BCL11B: variants seen among roughly 807,000 people sequenced by gnomAD.
The protein encoded by BCL11B is BCL11 transcription factor B, also known as B-cell lymphoma/leukemia 11B.
In BCL11B, 8 loss-of-function variants were observed where a neutral mutation model predicts 49.9. That is an observed-to-expected ratio of 0.16 (90% CI 0.09 to 0.29). BCL11B has a LOEUF of 0.29. Among genes scored for constraint, BCL11B ranks in the 10% least tolerant of loss-of-function variants. The pLI is 1.00. For synonymous variants in BCL11B, 739 were observed against 637.4 expected (o/e 1.16, Z -2.40); for missense variants, 1,006 against 1,351.0 (o/e 0.74, Z 4.00).
intron 2 of BCL11B, among the ~76,000 whole-genome samples, chr14:99,243,915 T>C (rs1242368459): frequency 3.2e-5 from 3 of 94,442 alleles, no homozygotes; most frequent in Non-Finnish European, 6.2e-5. Flanking sequence ...CACACATTGC[T>C]CCTAAAAAAA....
chr14:99,188,443 T>A (rs1483030550), intron 3 of BCL11B, among the ~76,000 whole-genome samples: 1 of 152,106 alleles, frequency 6.6e-6, no homozygotes, highest in African/African-American at 2.4e-5. Flanking sequence ...TTTGCCCGGG[T>A]GGATAGGCTC....
intron 3 of BCL11B, among the ~76,000 whole-genome samples, chr14:99,179,473 TAAAA>T (rs35703913): frequency 3.1e-4 from 17 of 54,568 alleles, no homozygotes; most frequent in African/African-American, 1.0e-3. Context: ...GAATCCATCT[TAAAA>T]AAAAAAAAAA....
At chr14:99,266,714 A>G (rs544215319) in intron 1 of BCL11B, among the ~76,000 whole-genome samples, 1 of 152,376 alleles carries the variant, frequency 6.6e-6, no homozygotes, top group East Asian at 1.9e-4. Flanking sequence ...GCGCCAAGCC[A>G]TGACACGGGC....
intron 3 of BCL11B, among the ~76,000 whole-genome samples, chr14:99,214,858 G>A (rs1223726909): frequency 6.6e-6 from 1 of 151,992 alleles, no homozygotes; most frequent in East Asian, 1.9e-4. Flanking sequence ...GGGGTCACAG[G>A]GGCCAGGAAG....
Position 99,169,662 on chromosome 14 carries a change from C to T in BCL11B, c.*4489G>A, listed in dbSNP as rs1264846073. 1 of 216,622 alleles carries T rather than the reference C, an allele frequency of 4.6e-6. No individual in the cohort carries two copies. The highest frequency in any genetic ancestry group is 9.3e-6 in the Non-Finnish European group (1 of 107,352). The allele number at this position is 216,622 out of a possible 1,614,324, so 13.4% of individuals were successfully genotyped here. Reference sequence around the variant, plus strand: ...AAGGTAATAAAAATATTTTGCCTTGCCAGTACAAATGCAAACAACTTAAAT... The same window carrying T: ...AAGGTAATAAAAATATTTTGCCTTGTCAGTACAAATGCAAACAACTTAAAT... On this transcript the variant is annotated 3_prime_UTR_variant, in exon 4 of 4. Coordinates refer to ENST00000357195, the MANE Select transcript of BCL11B (RefSeq NM_138576.4).
intron 2 of BCL11B, among the ~76,000 whole-genome samples, chr14:99,249,589 G>C (rs570533683): frequency 6.6e-6 from 1 of 152,308 alleles, no homozygotes; most frequent in African/African-American, 2.4e-5. Flanking sequence ...GAGGTGGATG[G>C]AATGTAGGCA....
intron 3 of BCL11B, among the ~76,000 whole-genome samples, chr14:99,178,642 A>G (rs1413974186): frequency 6.6e-6 from 1 of 152,244 alleles, no homozygotes; most frequent in Non-Finnish European, 1.5e-5. Flanking sequence ...AGCCATATTT[A>G]GACGACTCCT....
chr14:99,173,059 T>C lies in BCL11B; in HGVS notation c.*1092A>G, dbSNP rs190022764. On this transcript the variant is annotated 3_prime_UTR_variant, in exon 4 of 4. Coordinates refer to ENST00000357195, the MANE Select transcript of BCL11B (RefSeq NM_138576.4). ...TGATGGATGACCCCTTGTAGCAACA[T>C]AGGATTTGAGATTTATGTGGTGGGG... 2 of 212,812 alleles carry C rather than the reference T, an allele frequency of 9.4e-6. No homozygotes were observed. Among genetic ancestry groups the C allele is most frequent in the African/African-American group, 2.3e-5 (1 of 43,976 alleles). 13.2% of individuals were successfully genotyped at this position (212,812 alleles called of 1,614,324 possible). A position where few individuals can be genotyped will look rare whatever the true frequency, so the allele number is the denominator to read the frequency against.
intron 3 of BCL11B, among the ~76,000 whole-genome samples, chr14:99,181,246 A>C (rs1484883306): frequency 2.0e-5 from 3 of 152,268 alleles, no homozygotes; most frequent in East Asian, 1.9e-4. Context: ...TGGGGGGCTA[A>C]AGTAAGAACT....
At chr14:99,244,528 C>T (rs1888768419) in intron 2 of BCL11B, among the ~76,000 whole-genome samples, 1 of 152,176 alleles carries the variant, frequency 6.6e-6, no homozygotes, top group African/African-American at 2.4e-5. Flanking sequence ...CCCGTATTTA[C>T]AGATATTCAA....
At chr14:99,206,740 C>T (rs1887543168) in intron 3 of BCL11B, among the ~76,000 whole-genome samples, 1 of 152,182 alleles carries the variant, frequency 6.6e-6, no homozygotes, top group South Asian at 2.1e-4. Context: ...TCTTACTGTG[C>T]TGAATTTATA....
In BCL11B at chr14:99,176,137, C is replaced by A. The variant is rs774143479; in HGVS notation, c.699G>T (p.Ala233=). Residue 233 remains alanine (A), a synonymous_variant, in exon 4 of 4, where the codon GCG becomes GCT. Coordinates refer to ENST00000357195, the MANE Select transcript of BCL11B (RefSeq NM_138576.4). ...CTTCKQPFNS[A]WFLLQHAQNT... ...TCTGCGCGTGCTGCAGCAGGAACCA[C>A]GCGCTGTTGAAGGGCTGCTTGCATG... The A allele has an allele frequency of 6.2e-7, 1 of 1,612,260 alleles. No individual in the cohort carries two copies. The highest frequency in any genetic ancestry group is 2.2e-5 in the East Asian group (1 of 44,740).
intron 3 of BCL11B, among the ~76,000 whole-genome samples, chr14:99,202,269 T>A (rs1887406832): frequency 1.3e-5 from 2 of 152,124 alleles, no homozygotes; most frequent in Admixed American, 1.3e-4. Flanking sequence ...AGATTACAGG[T>A]GTGAGCATGG....
rs2139751516 is a variant in BCL11B at position 99,173,992 on chromosome 14, G to A, written c.*159C>T. ...CTTAATCAACCCTCGGGTTTCCATA[G>A]GACTTCGCAGACACAGGTTAGGTTG... is the stretch of plus-strand genomic sequence containing the variant. On this transcript the variant is annotated 3_prime_UTR_variant, in exon 4 of 4. Coordinates refer to ENST00000357195, the MANE Select transcript of BCL11B (RefSeq NM_138576.4). The A allele has an allele frequency of 6.0e-6, 4 of 661,178 alleles. No homozygotes were observed. The highest frequency in any genetic ancestry group is 1.0e-5 in the Non-Finnish European group (4 of 389,570). The allele number at this position is 661,178 out of a possible 1,614,324, so 41.0% of individuals were successfully genotyped here. A position where few individuals can be genotyped will look rare whatever the true frequency, so the allele number is the denominator to read the frequency against.
chr14:99,203,933 G>C (rs954268144), intron 3 of BCL11B, among the ~76,000 whole-genome samples: 2 of 152,154 alleles, frequency 1.3e-5, no homozygotes, highest in Non-Finnish European at 2.9e-5. Context: ...CTGAGCCAAG[G>C]AGTGCCACAA....
chr14:99,266,282 A>AT (rs1222628474), intron 1 of BCL11B, among the ~76,000 whole-genome samples: 7 of 152,212 alleles, frequency 4.6e-5, no homozygotes, highest in Non-Finnish European at 7.3e-5. Flanking sequence ...CACGACTCCC[A>AT]AAAGCAGCAA....
At chr14:99,216,854 C>T (rs1010333697) in intron 3 of BCL11B, among the ~76,000 whole-genome samples, 5 of 152,132 alleles carry the variant, frequency 3.3e-5, no homozygotes, top group Admixed American at 1.3e-4. Context: ...CACTCATACA[C>T]ACACACACGC....
chr14:99,211,225 C>T lies in BCL11B; in HGVS notation c.640+20120G>A, dbSNP rs139462678. Among the ~76,000 whole-genome samples, 1,203 of 152,294 alleles carry T rather than the reference C, an allele frequency of 7.9e-3. 16 individuals are homozygous for T. Among genetic ancestry groups the T allele is most frequent in the Non-Finnish European group, 0.011 (772 of 68,018 alleles). On this transcript the variant is annotated intron_variant, in intron 3 of 3. Coordinates refer to ENST00000357195, the MANE Select transcript of BCL11B (RefSeq NM_138576.4). ...TCTGCCCCAGGCCTGTCTGGCACCC[C>T]GTAGGACTCTCTGCCTCAGAAAGCA...
chr14:99,232,185 C>A lies in BCL11B; in HGVS notation c.428-628G>T, dbSNP rs568835767. Among the ~76,000 whole-genome samples the A allele has an allele frequency of 4.7e-4, 72 of 152,190 alleles. 1 individual carries two copies. The highest frequency in any genetic ancestry group is 1.6e-3 in the African/African-American group (68 of 41,540). ...CAATGCCCTTCAGAAGGCTTTCACA[C>A]CCCCCTACCACACCCCAAGAAAACC... On this transcript the variant is annotated intron_variant, in intron 2 of 3. Transcript: ENST00000357195. The surrounding 1 kb of genome is among the most constrained non-coding windows in gnomAD (Gnocchi z 5.1).
Sources: gnomAD v4.1 joint callset for allele counts (sites outside exome capture counted in the v4.1 genomes callset) on GRCh38, gnomAD v4.1.1 for gene constraint, Gnocchi (gnomAD v3.1) non-coding constraint, MANE v1.5 for transcripts, NCBI Gene and HGNC (gene_info 2026-07-23, HGNC 2026-07-21) for gene names.